Variants in AGAP4 observed in about 807,000 individuals in gnomAD.
AGAP4 encodes the protein ArfGAP with GTPase domain, ankyrin repeat and PH domain 4.
Under a neutral mutation model 60.7 loss-of-function variants are expected in AGAP4, and 13 were observed. The ratio of observed to expected loss-of-function variants is 0.21; its 90% CI spans 0.14 to 0.34. The LOEUF (loss-of-function observed/expected upper bound fraction) is 0.34. Among genes scored for constraint, AGAP4 ranks in the 10% least tolerant of loss-of-function variants. AGAP4 has a pLI of 1.00. For missense variants in AGAP4, 169 were observed against 884.0 expected, an observed-to-expected ratio of 0.19 and a Z score of 10.26; for synonymous variants, 70 against 339.0, an observed-to-expected ratio of 0.21 and a Z score of 8.72.
intron 6 of AGAP4, among the ~76,000 whole-genome samples, 158 bp from the exon 7 acceptor site, chr10:45,828,238 ACTT>A (rs1350182811): frequency 4.0e-5 from 6 of 148,270 alleles, no homozygotes; most frequent in South Asian, 2.2e-4. Context: ...GGGTTTCCTG[ACTT>A]CTTCTTTCTC....
At chr10:45,846,470 G>C (rs1169156862) in intron 2 of AGAP4, among the ~76,000 whole-genome samples, 2 of 151,844 alleles carry the variant, frequency 1.3e-5, no homozygotes, top group African/African-American at 4.9e-5. Flanking sequence ...AATAGGAACT[G>C]TCTTGAGATT....
chr10:45,834,836 C>T (rs1176987965), intron 4 of AGAP4, among the ~76,000 whole-genome samples: 2 of 146,012 alleles, frequency 1.4e-5, no homozygotes, highest in East Asian at 2.0e-4. Flanking sequence ...TGCAGTGGCG[C>T]GATCTCGGCT....
chr10:45,833,134 ATTTAGTGATTACTC>A (rs2058759816), intron 5 of AGAP4, among the ~76,000 whole-genome samples: 1 of 107,980 alleles, frequency 9.3e-6, no homozygotes, highest in African/African-American at 3.5e-5. Flanking sequence ...GACTACAGAC[ATTTAGTGATTACTC>A]AATAGGTCCC....
intron 1 of AGAP4, chr10:45,853,603 C>T (rs1357127035): frequency 7.8e-7 from 1 of 1,280,680 alleles, no homozygotes; most frequent in Admixed American, 2.4e-5. Flanking sequence ...TACACACAGG[C>T]AGCGATAAAG....
chr10:45,852,200 T>C (rs1269694172), upstream of AGAP4, among the ~76,000 whole-genome samples: 484 of 130,188 alleles, frequency 3.7e-3, 3 homozygotes, highest in Non-Finnish European at 5.6e-3. Context: ...CGTGAGCCAC[T>C]GCACCCGGCC....
Position 45,844,665 on chromosome 10 carries a change from T to TAAA in AGAP4, c.293-274_293-272dup, listed in dbSNP as rs1299137211. On this transcript the variant is annotated intron_variant, in intron 2 of 7. Transcript: ENST00000616763. ...TAACATAATGACACCCTCCTTTATTTAAAAAAAAAAAAAAAAAGAAGAGGT... is the reference window on the plus strand; with the variant it reads ...TAACATAATGACACCCTCCTTTATTTAAAAAAAAAAAAAAAAAAAAGAAGAGGT... 7.5e-4 allele frequency among the ~76,000 whole-genome samples: 68 copies of TAAA among 91,258 alleles called. 1 individual carries two copies. The highest frequency in any genetic ancestry group is 2.7e-3 in the African/African-American group (64 of 23,374). The allele number at this position is 91,258 out of a possible 152,430, so 59.9% of individuals were successfully genotyped here.
At chr10:45,841,130 T>C (rs2058909745) in intron 4 of AGAP4, among the ~76,000 whole-genome samples, 1 of 90,606 alleles carries the variant, frequency 1.1e-5, no homozygotes, top group Admixed American at 9.6e-5. Context: ...TGAGACAGAG[T>C]TTTGCTCTGT....
At chr10:45,849,760 C>T (rs1389570337), upstream of AGAP4, among the ~76,000 whole-genome samples, 8 of 151,102 alleles carry the variant, frequency 5.3e-5, no homozygotes, top group Non-Finnish European at 1.2e-4. Context: ...CCTGCCTCAG[C>T]CTCCCAAGTA....
intron 4 of AGAP4, among the ~76,000 whole-genome samples, chr10:45,839,924 T>C (rs2058889873): frequency 6.8e-6 from 1 of 146,294 alleles, no homozygotes; most frequent in Admixed American, 6.8e-5. Flanking sequence ...AGAACTAGAA[T>C]AAAAAGACAA....
chr10:45,838,775 G>A (rs4042904), intron 4 of AGAP4, among the ~76,000 whole-genome samples: 3 of 151,574 alleles, frequency 2.0e-5, no homozygotes, highest in Non-Finnish European at 2.9e-5. Context: ...GAGGACTTGC[G>A]ATGTTGACCA....
At chr10:45,851,058 A>G (rs1317126030), upstream of AGAP4, among the ~76,000 whole-genome samples, 4 of 152,150 alleles carry the variant, frequency 2.6e-5, no homozygotes, top group African/African-American at 9.7e-5. Flanking sequence ...GGTTACAGCA[A>G]TTGAGGCACC....
intron 2 of AGAP4, among the ~76,000 whole-genome samples, chr10:45,846,201 T>G (rs1392127751): frequency 6.6e-6 from 1 of 151,740 alleles, no homozygotes; most frequent in African/African-American, 2.4e-5. Context: ...GAAAAGAGCT[T>G]CATAGGTAAA....
chr10:45,831,958 G>A, intron 5 of AGAP4, among the ~76,000 whole-genome samples: 1 of 146,640 alleles, frequency 6.8e-6, no homozygotes, highest in Non-Finnish European at 1.5e-5. Flanking sequence ...TGCCCAGGCT[G>A]GAGTGCAATG....
chr10:45,851,094 A>G (rs1288012097), upstream of AGAP4, among the ~76,000 whole-genome samples: 1 of 144,962 alleles, frequency 6.9e-6, no homozygotes, highest in African/African-American at 2.7e-5. Context: ...CTAATACATG[A>G]AAAAAAAAAG....
chr10:45,853,955 G>C (rs1263617466), upstream of AGAP4: 12 of 1,143,654 alleles, frequency 1.0e-5, no homozygotes, highest in Non-Finnish European at 1.2e-5. Flanking sequence ...TTATCTCTGG[G>C]GATGGGGGGA....
chr10:45,829,325 G>A (rs1286443288), intron 6 of AGAP4, among the ~76,000 whole-genome samples: 3 of 121,666 alleles, frequency 2.5e-5, no homozygotes, highest in Non-Finnish European at 3.6e-5. Context: ...AAGTTAACCA[G>A]AAGCGCTTTT....
upstream of AGAP4, among the ~76,000 whole-genome samples, chr10:45,849,944 T>G (rs2059062971): frequency 6.6e-6 from 1 of 151,312 alleles, no homozygotes; most frequent in South Asian, 2.1e-4. Context: ...TTTTTTTATT[T>G]TTTTTGAGAC....
rs1240363332 is a variant in AGAP4, at chr10:45,834,606, C to A, written c.397-490G>T. Among the ~76,000 whole-genome samples the A allele has an allele frequency of 9.1e-3, 716 of 78,998 alleles. 13 individuals carry two copies. Among genetic ancestry groups the A allele is most frequent in the African/African-American group, 0.045 (649 of 14,336 alleles). The allele number at this position is 78,998 out of a possible 152,430, so 51.8% of individuals were successfully genotyped here. On this transcript the variant is annotated intron_variant, in intron 4 of 7. Transcript: ENST00000616763. ...AGGAGAATGGGGTGAACCCAGGAGG[C>A]GGAGCTTGCAGTGAGCCGAGTTCGC...
At chr10:45,853,947 A>G, upstream of AGAP4, 1 of 1,153,932 alleles carries the variant, frequency 8.7e-7, no homozygotes, top group Non-Finnish European at 1.1e-6. Context: ...ATATATGTTT[A>G]TCTCTGGGGA....
Sources: allele counts gnomAD v4.1 joint callset (sites outside exome capture counted in the v4.1 genomes callset), GRCh38; gene constraint gnomAD v4.1.1; transcripts MANE v1.5; gene names NCBI Gene and HGNC (gene_info 2026-07-23, HGNC 2026-07-21).